The following TAF4B variants were observed in gnomAD, a reference collection of about 807,000 sequenced individuals.
TAF4B encodes transcription initiation factor TFIID subunit 4B.
Under a neutral mutation model 86.4 loss-of-function variants are expected in TAF4B, and 38 were observed. That is an observed-to-expected ratio of 0.44 (90% CI 0.34 to 0.58). The LOEUF is 0.58. TAF4B is among the 20% of genes least tolerant of loss of function. The pLI is 0.02. For missense variants in TAF4B, 988 were observed against 1,027.6 expected (o/e 0.96, Z 0.53); for synonymous variants, 388 against 391.2 (o/e 0.99, Z 0.10).
rs572614105 is a variant in TAF4B, at chr18:26,328,775, A to G, written c.2259+1635A>G. Among the ~76,000 whole-genome samples the G allele has an allele frequency of 2.0e-5, 3 of 151,790 alleles. No individual in the cohort carries two copies. The South Asian group carries it at 6.3e-4, about 32-fold the overall frequency. On this transcript the variant is annotated intron_variant, in intron 12 of 14. Coordinates refer to ENST00000269142, the MANE Select transcript of TAF4B (RefSeq NM_005640.3). ...GCTGGGACTACAGACGCTCACCACC[A>G]CGCCCGGCGAATTTTTTGTATTTTA...
chr18:26,314,979 A>G (rs1415439800), intron 9 of TAF4B, among the ~76,000 whole-genome samples: 1 of 152,056 alleles, frequency 6.6e-6, no homozygotes, highest in East Asian at 1.9e-4. Flanking sequence ...GACACTAATT[A>G]CTTTCAAAAG....
chr18:26,289,908 G>A (rs1369383298), intron 7 of TAF4B, among the ~76,000 whole-genome samples: 1 of 152,112 alleles, frequency 6.6e-6, no homozygotes, highest in African/African-American at 2.4e-5. Flanking sequence ...GGAAGTGATG[G>A]GGATTGAAGG....
chr18:26,238,864 A>G (rs886831261), intron 1 of TAF4B, among the ~76,000 whole-genome samples: 4 of 152,096 alleles, frequency 2.6e-5, no homozygotes, highest in African/African-American at 9.7e-5. Flanking sequence ...CTTGCAGTAG[A>G]TTGCTAAGAA....
At chr18:26,234,412 C>T (rs1156582405) in intron 1 of TAF4B, among the ~76,000 whole-genome samples, 3 of 152,232 alleles carry the variant, frequency 2.0e-5, no homozygotes, top group Non-Finnish European at 4.4e-5. Flanking sequence ...CCCTTTCTTT[C>T]CGTATTGCAG....
intron 13 of TAF4B, among the ~76,000 whole-genome samples, chr18:26,355,157 A>T (rs2057278024): frequency 6.6e-6 from 1 of 152,232 alleles, no homozygotes; most frequent in Non-Finnish European, 1.5e-5. Context: ...TATAAATGAC[A>T]TTTAAAAATT....
intron 13 of TAF4B, among the ~76,000 whole-genome samples, chr18:26,346,734 C>A: frequency 1.2e-5 from 1 of 84,650 alleles, no homozygotes; most frequent in Non-Finnish European, 2.5e-5. Context: ...AACTGCTAGC[C>A]AAGAATATAT....
intron 1 of TAF4B, chr18:26,256,400 G>A (rs2056085001): frequency 2.2e-5 from 24 of 1,102,872 alleles, no homozygotes; most frequent in Non-Finnish European, 2.5e-5. Context: ...GCCGTTCCAC[G>A]CGCAATAACG....
chr18:26,269,507 G>T (rs2056286274), intron 3 of TAF4B, among the ~76,000 whole-genome samples: 1 of 152,070 alleles, frequency 6.6e-6, no homozygotes, highest in South Asian at 2.1e-4. Context: ...ATAGTCCTGG[G>T]ACTATGCATC....
chr18:26,298,309 A>T (rs762482037), intron 9 of TAF4B, among the ~76,000 whole-genome samples: 10 of 151,664 alleles, frequency 6.6e-5, no homozygotes, highest in Non-Finnish European at 1.5e-4. Context: ...GCTCAGTGCA[A>T]GCTCCGCCTC....
At chr18:26,303,985 T>C (rs1240075299) in intron 9 of TAF4B, among the ~76,000 whole-genome samples, 1 of 152,156 alleles carries the variant, frequency 6.6e-6, no homozygotes, top group African/African-American at 2.4e-5. Context: ...CCTAGATATC[T>C]TTCTTGTTGT....
chr18:26,345,544 C>T (rs1422558665), intron 13 of TAF4B, among the ~76,000 whole-genome samples: 1 of 152,216 alleles, frequency 6.6e-6, no homozygotes, highest in East Asian at 1.9e-4. Context: ...ACCACCTCCA[C>T]CACAAACTCA....
chr18:26,321,211 T>C lies in TAF4B; in HGVS notation c.2133+11T>C. On this transcript the variant is annotated intron_variant, in intron 11 of 14. Coordinates refer to ENST00000269142, the MANE Select transcript of TAF4B (RefSeq NM_005640.3). ...ATGACTACTTACAAGGTAAAGGAAA[T>C]CATTAAAGAAGTATAAACTCTCGAG... is the stretch of plus-strand genomic sequence containing the variant. The C allele has an allele frequency of 6.2e-7, 1 of 1,613,342 alleles. No homozygotes were observed. Among genetic ancestry groups the C allele is most frequent in the Non-Finnish European group, 8.5e-7 (1 of 1,179,538 alleles).
chr18:26,378,205 C>T (rs909384581), intron 14 of TAF4B, among the ~76,000 whole-genome samples: 2 of 152,030 alleles, frequency 1.3e-5, no homozygotes, highest in African/African-American at 4.8e-5. Flanking sequence ...CATTGCACAT[C>T]GTGAGGGGGC....
At chr18:26,299,397 G>A (rs1258419575) in intron 9 of TAF4B, among the ~76,000 whole-genome samples, 2 of 152,070 alleles carry the variant, frequency 1.3e-5, no homozygotes, top group African/African-American at 2.4e-5. Flanking sequence ...CATTCCTGGA[G>A]TATTAGCCTT....
chr18:26,325,290 A>T (rs1241243186), intron 11 of TAF4B, among the ~76,000 whole-genome samples: 1 of 152,120 alleles, frequency 6.6e-6, no homozygotes, highest in Non-Finnish European at 1.5e-5. Context: ...GATTCATTTG[A>T]TGGTGTTGAT....
chr18:26,337,400 C>T lies in TAF4B; in HGVS notation c.2316+2169C>T, dbSNP rs896460290. ...TTGATTGCATAAATATTGACCATAT[C>T]TTTTTTCTTTTCTTTCTTTCTTTCT... On this transcript the variant is annotated intron_variant, in intron 13 of 14. Transcript: ENST00000269142. 4.1e-5 allele frequency among the ~76,000 whole-genome samples: 6 copies of T among 147,702 alleles called. No individual in the cohort carries two copies. In the East Asian group the frequency reaches 1.2e-3, roughly 30 times the overall value.
At chr18:26,336,408 C>G (rs1198789869) in intron 13 of TAF4B, among the ~76,000 whole-genome samples, 1 of 151,818 alleles carries the variant, frequency 6.6e-6, no homozygotes, top group African/African-American at 2.4e-5. Flanking sequence ...GGAATTGAGG[C>G]AAAACAAGTG....
chr18:26,356,534 A>G (rs1201769440), intron 13 of TAF4B, among the ~76,000 whole-genome samples: 1 of 152,188 alleles, frequency 6.6e-6, no homozygotes, highest in African/African-American at 2.4e-5. Flanking sequence ...AACATGTGTT[A>G]AAAGATTTTG....
intron 11 of TAF4B, among the ~76,000 whole-genome samples, chr18:26,323,495 A>T: frequency 6.7e-6 from 1 of 149,252 alleles, no homozygotes. Flanking sequence ...AGTAGCTAAG[A>T]CTAACAGGCG....
Sources: allele counts gnomAD v4.1 joint callset (sites outside exome capture counted in the v4.1 genomes callset), GRCh38; gene constraint gnomAD v4.1.1; transcripts MANE v1.5; gene names NCBI Gene and HGNC (gene_info 2026-07-23, HGNC 2026-07-21).